PLBD2: variants seen among roughly 807,000 people sequenced by gnomAD.
The protein encoded by PLBD2 is putative aminopeptidase PLBD2.
In PLBD2, 51 loss-of-function variants were observed where a neutral mutation model predicts 68.3. The ratio of observed to expected loss-of-function variants is 0.75; its 90% CI spans 0.60 to 0.94. The LOEUF (loss-of-function observed/expected upper bound fraction) is 0.94. Among genes scored for constraint, PLBD2 ranks in the 40% least tolerant of loss-of-function variants. The pLI, the probability that PLBD2 is intolerant of heterozygous loss-of-function variation, is 0.00. For synonymous variants in PLBD2, 314 were observed against 339.3 expected, an observed-to-expected ratio of 0.93 and a Z score of 0.82; for missense variants, 729 against 792.2, an observed-to-expected ratio of 0.92 and a Z score of 0.96.
intron 3 of PLBD2, among the ~76,000 whole-genome samples, chr12:113,374,071 G>C (rs1593284483): frequency 6.6e-6 from 1 of 152,232 alleles, no homozygotes; most frequent in African/African-American, 2.4e-5. Flanking sequence ...ATAGGATGTT[G>C]AGGCAAAATG....
intron 1 of PLBD2, among the ~76,000 whole-genome samples, chr12:113,365,660 C>T (rs1220395219): frequency 6.6e-6 from 1 of 152,072 alleles, no homozygotes; most frequent in Non-Finnish European, 1.5e-5. Context: ...GTACTTACCA[C>T]AGTTTCTGGG....
chr12:113,364,562 C>T (rs1451479395), intron 1 of PLBD2, among the ~76,000 whole-genome samples: 4 of 151,762 alleles, frequency 2.6e-5, no homozygotes, highest in South Asian at 2.1e-4. Flanking sequence ...TGGGCTCAAG[C>T]GATCCTCCCA....
chr12:113,359,023 G>A (rs1479116417), intron 1 of PLBD2, 133 bp downstream of exon 1: 1 of 1,035,470 alleles, frequency 9.7e-7, no homozygotes. Flanking sequence ...CTACTCCCGA[G>A]GCTGCAGCAC....
chr12:113,386,859 G>T (rs1383254654), intron 9 of PLBD2, 78 bp from the exon 10 acceptor site: 8 of 1,539,462 alleles, frequency 5.2e-6, no homozygotes, highest in Non-Finnish European at 7.0e-6. Context: ...TGGTGTGACT[G>T]CCCCTCCCCT....
intron 9 of PLBD2, 32 bp from the exon 10 acceptor site, chr12:113,386,905 G>A: frequency 6.2e-7 from 1 of 1,606,712 alleles, no homozygotes; most frequent in Non-Finnish European, 8.5e-7. Flanking sequence ...AGGCCAGTGG[G>A]GGTCATGGGT....
intron 2 of PLBD2, among the ~76,000 whole-genome samples, chr12:113,370,102 G>A (rs1957375619): frequency 1.3e-5 from 2 of 152,108 alleles, no homozygotes; most frequent in Non-Finnish European, 2.9e-5. Flanking sequence ...ATTTCGCCCT[G>A]TTGGCCAGGC....
In PLBD2 at chr12:113,358,849, C is replaced by G; in HGVS notation, c.249C>G (p.Ala83=). ...TGGTGGACGGACGCCACCCTGACGC[C>G]GTGGCCTGGGCCAACCTCACCAACG... is the stretch of plus-strand genomic sequence containing the variant. ...LLMVDGRHPD[A]VAWANLTNAI... is the part of the protein sequence containing the mutation. The change falls in exon 1 of 12, where the codon GCC becomes GCG. Residue 83 remains alanine, a synonymous_variant. Coordinates refer to ENST00000280800, the MANE Select transcript of PLBD2 (RefSeq NM_173542.4). 1 of 1,522,340 alleles carries G rather than the reference C, an allele frequency of 6.6e-7. No homozygotes were observed. The highest frequency in any genetic ancestry group is 8.8e-7 in the Non-Finnish European group (1 of 1,137,292). The allele number at this position is 1,522,340 out of a possible 1,614,324, so 94.3% of individuals were successfully genotyped here.
intron 6 of PLBD2, among the ~76,000 whole-genome samples, chr12:113,382,878 T>G (rs1255340529): frequency 3.0e-4 from 43 of 143,254 alleles, no homozygotes; most frequent in East Asian, 9.9e-4. Context: ...TTTTTTTTTT[T>G]TTTTTTTTTT....
rs769014843 is a variant in PLBD2 at position 113,375,024 on chromosome 12, G to A, written c.859+17G>A. 1 of 1,612,514 alleles carries A rather than the reference G, an allele frequency of 6.2e-7. No homozygotes were observed. The highest frequency in any genetic ancestry group is 8.5e-7 in the Non-Finnish European group (1 of 1,178,770). On this transcript the variant is annotated intron_variant, in intron 5 of 11. Coordinates refer to ENST00000280800, the MANE Select transcript of PLBD2 (RefSeq NM_173542.4). ...GCCCCTGGGGTAGGTGGGTGTGGGTGTGTCTGGGGGATGAGCAGGTGGGTG... is the reference window on the plus strand; with the variant it reads ...GCCCCTGGGGTAGGTGGGTGTGGGTATGTCTGGGGGATGAGCAGGTGGGTG...
Position 113,369,202 on chromosome 12 carries a change from C to T in PLBD2, c.377C>T (p.Ser126Leu), listed in dbSNP as rs758414090. ...GCCGGTGTGGTGGAGGCTGCTGTGT[C>T]GGAGGAGGTAAGGGCCAAGGTGGGG... ...YAAGVVEAAV[S>L]EELIYMHWMN... The change falls in exon 2 of 12, where the codon TCG (serine) becomes TTG (leucine). Residue 126 changes from serine (S) to leucine (L), a missense_variant. By Grantham distance (145) the Ser-to-Leu change is moderately radical. Transcript: ENST00000280800. 1.0e-5 allele frequency: 16 copies of T among 1,600,366 alleles called. No homozygotes were observed. The highest frequency in any genetic ancestry group is 2.7e-5 in the African/African-American group (2 of 74,754).
chr12:113,385,136 GGCTCCCCGAGCAGGGCAGT>G, intron 8 of PLBD2, 57 bp from the exon 9 acceptor site: 1 of 1,514,210 alleles, frequency 6.6e-7, no homozygotes, highest in South Asian at 1.2e-5. Flanking sequence ...GAGCCATCGG[GGCTCCCCGAGCAGGGCAGT>G]GCCCACAGGA....
chr12:113,368,927 C>T (rs1362572708), intron 1 of PLBD2, among the ~76,000 whole-genome samples, 189 bp from the exon 2 acceptor site: 5 of 152,168 alleles, frequency 3.3e-5, no homozygotes, highest in East Asian at 1.9e-4. Context: ...ATTAAAAATA[C>T]GTGTACCCTT....
At chr12:113,378,312 A>G (rs1957452009) in intron 5 of PLBD2, among the ~76,000 whole-genome samples, 1 of 151,904 alleles carries the variant, frequency 6.6e-6, no homozygotes, top group African/African-American at 2.4e-5. Flanking sequence ...AAAAATTTCC[A>G]AGGGTGGGCT....
chr12:113,363,367 G>C (rs1957312533), intron 1 of PLBD2, among the ~76,000 whole-genome samples: 1 of 152,048 alleles, frequency 6.6e-6, no homozygotes, highest in Admixed American at 6.6e-5. Context: ...TCCAGGTGAG[G>C]CTACACTGAG....
chr12:113,372,278 G>A lies in PLBD2; in HGVS notation c.385-371G>A, dbSNP rs1957396081. Among the ~76,000 whole-genome samples, 2 of 152,012 alleles carry A rather than the reference G, an allele frequency of 1.3e-5. No individual in the cohort carries two copies. The highest frequency in any genetic ancestry group is 1.5e-5 in the Non-Finnish European group (1 of 67,996). The stretch of plus-strand genomic sequence containing the variant: ...TTCTCTTGCCCAGTGGAATCAGAAG[G>A]GTTATTGCTGTTTTGTTCCCTGCTA... On this transcript the variant is annotated intron_variant, in intron 2 of 11. Transcript: ENST00000280800. The surrounding 1 kb of genome is among the most constrained non-coding windows in gnomAD (Gnocchi z 4.2).
intron 1 of PLBD2, among the ~76,000 whole-genome samples, chr12:113,364,026 C>T (rs757980792): frequency 2.6e-5 from 4 of 152,162 alleles, no homozygotes; most frequent in African/African-American, 7.2e-5. Flanking sequence ...ACATGCAGTC[C>T]GCTATGGCAT....
chr12:113,367,980 G>A (rs753830812), intron 1 of PLBD2, among the ~76,000 whole-genome samples: 1 of 151,942 alleles, frequency 6.6e-6, no homozygotes. Flanking sequence ...TACCCCGGAG[G>A]CTGAGGCAGG....
intron 5 of PLBD2, among the ~76,000 whole-genome samples, chr12:113,375,888 C>A (rs998098965): frequency 3.3e-5 from 5 of 152,198 alleles, no homozygotes. Context: ...GAATCTTGCT[C>A]TGGTGCCCAG....
chr12:113,362,222 G>T (rs969282414), intron 1 of PLBD2, among the ~76,000 whole-genome samples: 1 of 152,040 alleles, frequency 6.6e-6, no homozygotes, highest in Non-Finnish European at 1.5e-5. Context: ...GGTTGCGCAT[G>T]CCTGTGGTCC....
Sources: allele counts gnomAD v4.1 joint callset (sites outside exome capture counted in the v4.1 genomes callset), GRCh38; gene constraint gnomAD v4.1.1; non-coding constraint Gnocchi (gnomAD v3.1); transcripts MANE v1.5; gene names NCBI Gene and HGNC (gene_info 2026-07-23, HGNC 2026-07-21).